HCN2: variants seen among roughly 807,000 people sequenced by gnomAD.
HCN2 encodes hyperpolarization activated cyclic nucleotide gated potassium and sodium channel 2, also known as potassium/sodium hyperpolarization-activated cyclic nucleotide-gated channel 2.
HCN2 carries 20 observed loss-of-function variants against 52.3 expected under a neutral mutation model. The ratio of observed to expected loss-of-function variants is 0.38; its 90% confidence interval spans 0.27 to 0.56. The LOEUF is 0.56. HCN2 is among the 20% of genes least tolerant of loss of function. The pLI is 0.71. For missense variants in HCN2, 981 were observed against 1,207.7 expected (o/e 0.81, Z 2.78); for synonymous variants, 694 against 537.0 (o/e 1.29, Z -4.04).
intron 1 of HCN2, among the ~76,000 whole-genome samples, chr19:598,526 G>C (rs887661666): frequency 1.3e-5 from 2 of 152,078 alleles, no homozygotes; most frequent in Non-Finnish European, 1.5e-5. Context: ...GGCTGGTCCT[G>C]AACTCCTGAG....
intron 1 of HCN2, among the ~76,000 whole-genome samples, chr19:599,649 G>A (rs562020537): frequency 6.6e-6 from 1 of 152,076 alleles, no homozygotes; most frequent in African/African-American, 2.4e-5. Flanking sequence ...TTATCTGGGC[G>A]TGGTGGCGGG....
Position 603,853 on chromosome 19 carries a change from C to A in HCN2, c.942C>A (p.Ser314=), listed in dbSNP as rs745857533. The change falls in exon 2 of 8, where the codon TCC becomes TCA. Residue 314 remains serine, a synonymous_variant. Transcript: ENST00000251287. ...IFLIVEKGID[S]EVYKTARALR... is the part of the protein sequence containing the mutation. The stretch of plus-strand genomic sequence containing the variant: ...TTATCGTGGAGAAGGGCATTGACTC[C>A]GAGGTCTACAAGACGGCACGCGCCC... 12 of 1,612,670 alleles carry A rather than the reference C, an allele frequency of 7.4e-6. No individual in the cohort carries two copies. Among genetic ancestry groups the A allele is most frequent in the Non-Finnish European group, 1.0e-5 (12 of 1,179,870 alleles).
Position 616,247 on chromosome 19 carries a change from C to A in HCN2, c.2443C>A (p.Arg815Ser). Residue 815 changes from arginine (R) to serine (S), a missense_variant, in exon 8 of 8, where the codon CGC becomes AGC. Physicochemically the swap from Arg to Ser is moderately radical, Grantham distance 110. Coordinates refer to ENST00000251287, the MANE Select transcript of HCN2 (RefSeq NM_001194.4). ...CGCCCTGCCCGCGCGCCGCCTGAGC[C>A]GCGCGTCGCGCCCACTGTCCGCCTC... Reference protein sequence around the residue: ...GPALPARRLSRASRPLSASQP... With the variant: ...GPALPARRLSSASRPLSASQP... 2.0e-6 allele frequency: 2 copies of A among 1,009,376 alleles called. No homozygotes were observed. Among genetic ancestry groups the A allele is most frequent in the Non-Finnish European group, 2.4e-6 (2 of 848,870 alleles). The allele number at this position is 1,009,376 out of a possible 1,614,324, so 62.5% of individuals were successfully genotyped here. A position where few individuals can be genotyped will look rare whatever the true frequency, so the allele number is the denominator to read the frequency against.
chr19:614,306 G>A (rs1983805561), intron 7 of HCN2, among the ~76,000 whole-genome samples: 1 of 152,194 alleles, frequency 6.6e-6, no homozygotes, highest in Admixed American at 6.5e-5. Flanking sequence ...TCCCAAGGGA[G>A]GGAATGCACA....
rs1983321769 is a variant in HCN2 at position 604,220 on chromosome 19, TGA to T, written c.1056+258_1056+259del. On this transcript the variant is annotated intron_variant, in intron 2 of 7. Coordinates refer to ENST00000251287, the MANE Select transcript of HCN2 (RefSeq NM_001194.4). The stretch of plus-strand genomic sequence containing the variant: ...GGTCAAGGCCCCAGGGATGGGGCTA[TGA>T]GAGATCTGGGTGGGGTCAAGGCCCC... 5.8e-5 allele frequency among the ~76,000 whole-genome samples: 2 copies of T among 34,376 alleles called. 1 individual carries two copies. Among genetic ancestry groups the T allele is most frequent in the Non-Finnish European group, 9.3e-5 (2 of 21,554 alleles). 22.6% of individuals were successfully genotyped at this position (34,376 alleles called of 152,430 possible). A position where few individuals can be genotyped will look rare whatever the true frequency, so the allele number is the denominator to read the frequency against.
chr19:612,427 T>TGTGTGTGAGAGAGAGAGA, intron 5 of HCN2, among the ~76,000 whole-genome samples: 1 of 142,256 alleles, frequency 7.0e-6, no homozygotes, highest in African/African-American at 2.6e-5. Flanking sequence ...TGTGTGTGTG[T>TGTGTGTGAGAGAGAGAGA]GAGAGAGAGA....
chr19:596,865 A>G (rs1190504476), intron 1 of HCN2, among the ~76,000 whole-genome samples: 1 of 152,064 alleles, frequency 6.6e-6, no homozygotes, highest in Non-Finnish European at 1.5e-5. Context: ...AGGGTCTCCC[A>G]AGGTCACTCA....
rs184721597 is a variant in HCN2 at position 598,358 on chromosome 19, G to A, written c.633-5186G>A. ...GTCTCACTCTGTCACCCAGGCTGGAGTGCAATGGTGCAGTTTTGGCTCACT... is the reference window on the plus strand; with the variant it reads ...GTCTCACTCTGTCACCCAGGCTGGAATGCAATGGTGCAGTTTTGGCTCACT... On this transcript the variant is annotated intron_variant, in intron 1 of 7. Coordinates refer to ENST00000251287, the MANE Select transcript of HCN2 (RefSeq NM_001194.4). Among the ~76,000 whole-genome samples, 769 of 151,950 alleles carry A rather than the reference G, an allele frequency of 5.1e-3. 2 individuals are homozygous for A. Among genetic ancestry groups the A allele is most frequent in the Middle Eastern group, 0.02 (6 of 294 alleles).
chr19:599,698 G>A (rs1405933407), intron 1 of HCN2, among the ~76,000 whole-genome samples: 1 of 152,130 alleles, frequency 6.6e-6, no homozygotes, highest in African/African-American at 2.4e-5. Flanking sequence ...TGAGGCAAGA[G>A]AATGGTGTGA....
chr19:598,657 G>A (rs553704009), intron 1 of HCN2, among the ~76,000 whole-genome samples: 49 of 152,076 alleles, frequency 3.2e-4, no homozygotes, highest in African/African-American at 1.2e-3. Context: ...GCTGGAGTGC[G>A]ATGGCGCGAT....
At chr19:599,622 A>G (rs1468462949) in intron 1 of HCN2, among the ~76,000 whole-genome samples, 1 of 149,716 alleles carries the variant, frequency 6.7e-6, no homozygotes, top group African/African-American at 2.4e-5. Context: ...TACTAAAAAT[A>G]CAAAAAAAAA....
At position 613,269 on chromosome 19, in the gene HCN2, C is replaced by T. The variant is rs373908299; in HGVS notation, c.1606C>T (p.Arg536Trp). 2.5e-6 allele frequency: 4 copies of T among 1,612,340 alleles called. No homozygotes were observed. The highest frequency in any genetic ancestry group is 3.4e-6 in the Non-Finnish European group (4 of 1,179,728). ...LREEIVNFNC[R>W]KLVASMPLFA... Reference sequence around the variant, plus strand: ...GCAGGAGATCGTCAACTTCAACTGCCGGAAGCTGGTGGCCTCCATGCCGCT... The same window carrying T: ...GCAGGAGATCGTCAACTTCAACTGCTGGAAGCTGGTGGCCTCCATGCCGCT... Residue 536 changes from arginine to tryptophan, a missense_variant, in exon 6 of 8, where the codon CGG (arginine) becomes TGG (tryptophan). Arg to Trp is a moderately radical substitution (Grantham distance 101). Around this residue, in one of 6 missense-constraint regions of HCN2, gnomAD observed 282 missense variants for 553.8 expected, o/e 0.51. Coordinates refer to ENST00000251287, the MANE Select transcript of HCN2 (RefSeq NM_001194.4).
rs567496228 is a variant in HCN2, at chr19:605,014, G to T, written c.1057-47G>T. 5 of 1,584,284 alleles carry T rather than the reference G, an allele frequency of 3.2e-6. No individual in the cohort carries two copies. The South Asian group carries it at 5.6e-5, about 18-fold the overall frequency. On this transcript the variant is annotated intron_variant, in intron 2 of 7. Transcript: ENST00000251287. ...CACGGGGCTGGGGCTCTGAAGGTGG[G>T]GGCCGGGGGTCAGCGGGTAGGGTGG...
chr19:590,263 G>A lies in HCN2; in HGVS notation c.318G>A (p.Glu106=), dbSNP rs1600512638. The change falls in exon 1 of 8, where the codon GAG becomes GAA. Residue 106 remains glutamate, a synonymous_variant. Coordinates refer to ENST00000251287, the MANE Select transcript of HCN2 (RefSeq NM_001194.4). The surrounding 1 kb of genome is among the most constrained non-coding windows in gnomAD (Gnocchi z 7.2). ...CGAACGGCGAGTGCGGGCGCGGCGA[G>A]CCGCAGTGCAGCCCCGCGGGGCCCG... ...GSPNGECGRG[E]PQCSPAGPEG... is the part of the protein sequence containing the mutation. The A allele has an allele frequency of 1.5e-5, 15 of 989,762 alleles. No individual in the cohort carries two copies. Among genetic ancestry groups the A allele is most frequent in the Non-Finnish European group, 1.8e-5 (15 of 834,744 alleles). 61.3% of individuals were successfully genotyped at this position (989,762 alleles called of 1,614,324 possible). A position where few individuals can be genotyped will look rare whatever the true frequency, so the allele number is the denominator to read the frequency against.
Position 613,991 on chromosome 19 carries a change from G to A in HCN2, c.1965G>A (p.Val655=), listed in dbSNP as rs764869173. The change falls in exon 7 of 8, where the codon GTG becomes GTA. Residue 655 remains valine (V), a synonymous_variant. Transcript: ENST00000251287. ...YPMMRRAFET[V]AIDRLDRIGK... is the part of the protein sequence containing the mutation. Reference sequence around the variant, plus strand: ...TGATGCGGCGCGCCTTCGAGACGGTGGCCATCGACCGCCTGGACCGCATCG... The same window carrying A: ...TGATGCGGCGCGCCTTCGAGACGGTAGCCATCGACCGCCTGGACCGCATCG... 6.3e-6 allele frequency: 10 copies of A among 1,597,200 alleles called. No homozygotes were observed. Among genetic ancestry groups the A allele is most frequent in the Middle Eastern group, 2.0e-4 (1 of 5,104 alleles).
chr19:611,275 G>A (rs993683883), intron 5 of HCN2, among the ~76,000 whole-genome samples: 20 of 152,226 alleles, frequency 1.3e-4, no homozygotes, highest in South Asian at 2.1e-4. Flanking sequence ...GTGCTTGAAG[G>A]TCCCACCCTC....
At chr19:612,790 TGTG>T (rs1446355312) in intron 5 of HCN2, among the ~76,000 whole-genome samples, 4 of 148,404 alleles carry the variant, frequency 2.7e-5, no homozygotes, top group Non-Finnish European at 5.9e-5. Context: ...AGGGCAGTGG[TGTG>T]GGGATCACGG....
intron 3 of HCN2, 52 bp downstream of exon 3, chr19:605,274 G>T (rs1446574349): frequency 3.8e-6 from 6 of 1,575,676 alleles, no homozygotes; most frequent in Admixed American, 1.7e-5. Context: ...CCATACAGAG[G>T]GGGGACCCAG....
rs1982876488 is a variant in HCN2 at position 591,643 on chromosome 19, A to C, written c.632+1066A>C. On this transcript the variant is annotated intron_variant, in intron 1 of 7. Transcript: ENST00000251287. This position sits in a 1 kb window ranked among gnomAD's most constrained non-coding sequence, Gnocchi z 4.1. ...GTAGGTGGGGCCCGCCGGGCTAGCGAGGCCGGGCGCGCGGGACGGGCGCGG... is the reference window on the plus strand; with the variant it reads ...GTAGGTGGGGCCCGCCGGGCTAGCGCGGCCGGGCGCGCGGGACGGGCGCGG... Among the ~76,000 whole-genome samples the C allele has an allele frequency of 6.6e-6, 1 of 151,524 alleles. No individual in the cohort carries two copies. The highest frequency in any genetic ancestry group is 6.6e-5 in the Admixed American group (1 of 15,246).
Sources: gnomAD v4.1 joint callset for allele counts (sites outside exome capture counted in the v4.1 genomes callset) on GRCh38, gnomAD v4.1.1 for gene constraint, gnomAD v4.1.1 regional missense constraint, Gnocchi (gnomAD v3.1) non-coding constraint, MANE v1.5 for transcripts, NCBI Gene and HGNC (gene_info 2026-07-23, HGNC 2026-07-21) for gene names.